The following MARK4 variants were observed in gnomAD, a reference collection of about 807,000 sequenced individuals.
The protein encoded by MARK4 is MAP/microtubule affinity-regulating kinase 4.
MARK4 carries 19 observed loss-of-function variants against 81.5 expected under a neutral mutation model. That is an observed-to-expected ratio of 0.23 (90% CI 0.16 to 0.34). The LOEUF (loss-of-function observed/expected upper bound fraction) is 0.34. Among genes scored for constraint, MARK4 ranks in the 10% least tolerant of loss-of-function variants. MARK4 has a pLI of 1.00. For missense variants in MARK4, 772 were observed against 1,058.8 expected (o/e 0.73, Z 3.76); for synonymous variants, 436 against 439.0 (o/e 0.99, Z 0.08).
At chr19:45,278,649 G>C (rs767658843) in intron 10 of MARK4, 34 bp downstream of exon 10, 1 of 1,528,424 alleles carries the variant, frequency 6.5e-7, no homozygotes, top group Non-Finnish European at 9.1e-7. Flanking sequence ...TGTCACCCAG[G>C]ATGGAGTGCA....
At chr19:45,268,632 C>G (rs1159289391) in intron 7 of MARK4, among the ~76,000 whole-genome samples, 1 of 151,660 alleles carries the variant, frequency 6.6e-6, no homozygotes, top group Non-Finnish European at 1.5e-5. Context: ...GTGGTCTCAG[C>G]TACTCAGGAG....
intron 8 of MARK4, among the ~76,000 whole-genome samples, chr19:45,277,589 A>G (rs1970614695): frequency 6.6e-6 from 1 of 151,652 alleles, no homozygotes; most frequent in Admixed American, 6.6e-5. Flanking sequence ...TGTAGAGATG[A>G]GGTCTCCCTG....
rs552148271 is a variant in MARK4, at chr19:45,280,302, A to C, written c.1007-72A>C. On this transcript the variant is annotated intron_variant, in intron 10 of 16. Coordinates refer to ENST00000262891, the MANE Select transcript of MARK4 (RefSeq NM_001199867.2). ...GGGTGACAGAGTGACACCCTGTCTC[A>C]AAAAAAAAGAGAAATGGATGGAAGT... The C allele has an allele frequency of 1.5e-5, 19 of 1,251,096 alleles. 1 individual carries two copies. The South Asian group carries it at 2.0e-4, about 13-fold the overall frequency. The allele number at this position is 1,251,096 out of a possible 1,614,324, so 77.5% of individuals were successfully genotyped here. A position where few individuals can be genotyped will look rare whatever the true frequency, so the allele number is the denominator to read the frequency against.
intron 12 of MARK4, 135 bp downstream of exon 12, chr19:45,280,869 A>C: frequency 7.9e-7 from 1 of 1,261,460 alleles, no homozygotes; most frequent in Non-Finnish European, 1.1e-6. Context: ...AATGTCTTAT[A>C]AAGACACAGG....
At chr19:45,289,933 C>CA (rs1464197271) in intron 13 of MARK4, among the ~76,000 whole-genome samples, 2 of 151,996 alleles carry the variant, frequency 1.3e-5, no homozygotes, top group African/African-American at 4.8e-5. Context: ...CCCTTCCCTA[C>CA]AAAAAATAGA....
chr19:45,264,658 C>T, intron 4 of MARK4, 26 bp from the exon 5 acceptor site: 1 of 1,612,048 alleles, frequency 6.2e-7, no homozygotes, highest in Non-Finnish European at 8.5e-7. Flanking sequence ...CTCCCTAATG[C>T]CCTACACTGT....
intron 4 of MARK4, among the ~76,000 whole-genome samples, chr19:45,264,221 G>C (rs1970419620): frequency 6.6e-6 from 1 of 152,070 alleles, no homozygotes; most frequent in Non-Finnish European, 1.5e-5. Context: ...GGAAAGGGTG[G>C]CTGGGCGCGG....
Position 45,287,529 on chromosome 19 carries a change from A to G in MARK4, c.1359A>G (p.Pro453=), listed in dbSNP as rs2123089933. The change falls in exon 13 of 17, where the codon CCA becomes CCG. Residue 453 remains proline (P), a synonymous_variant. Transcript: ENST00000262891. The stretch of plus-strand genomic sequence containing the variant: ...CGGAGCTGAAGGAGGAGCGGCTGCC[A>G]GGCCGGAAGGCGAGCTGCAGCACCG... ...GEAELKEERL[P]GRKASCSTAG... is the part of the protein sequence containing the mutation. 1 of 1,568,792 alleles carries G rather than the reference A, an allele frequency of 6.4e-7. No homozygotes were observed.
intron 10 of MARK4, among the ~76,000 whole-genome samples, chr19:45,279,802 C>G (rs571315739): frequency 1.2e-4 from 18 of 152,238 alleles, no homozygotes; most frequent in African/African-American, 4.3e-4. Context: ...GTAGCTTTTT[C>G]CCAGGCTGCT....
chr19:45,268,314 C>T (rs1036821332), intron 7 of MARK4, among the ~76,000 whole-genome samples: 10 of 151,628 alleles, frequency 6.6e-5, no homozygotes, highest in African/African-American at 9.7e-5. Flanking sequence ...TGGCTGGACG[C>T]GGTGGCTCTC....
At position 45,280,852 on chromosome 19, in the gene MARK4, A is replaced by C. The variant is rs368872816; in HGVS notation, c.1276+118A>C. On this transcript the variant is annotated intron_variant, in intron 12 of 16. Transcript: ENST00000262891. Reference sequence around the variant, plus strand: ...AAACCCACTGGAGCTAACCTCAGAGAGGGAGGAATGTCTTATAAAGACACA... The same window carrying C: ...AAACCCACTGGAGCTAACCTCAGAGCGGGAGGAATGTCTTATAAAGACACA... The C allele has an allele frequency of 5.7e-6, 8 of 1,393,840 alleles. No homozygotes were observed. In the South Asian group the frequency reaches 7.8e-5, roughly 14 times the overall value. 86.3% of individuals were successfully genotyped at this position (1,393,840 alleles called of 1,614,324 possible). A position where few individuals can be genotyped will look rare whatever the true frequency, so the allele number is the denominator to read the frequency against.
chr19:45,290,933 T>C lies in MARK4; in HGVS notation c.1494+3269T>C, dbSNP rs985582162. 2.0e-5 allele frequency among the ~76,000 whole-genome samples: 3 copies of C among 152,228 alleles called. No homozygotes were observed. In the East Asian group the frequency reaches 5.8e-4, roughly 29 times the overall value. On this transcript the variant is annotated intron_variant, in intron 13 of 16. Coordinates refer to ENST00000262891, the MANE Select transcript of MARK4 (RefSeq NM_001199867.2). ...AGGAGAGGGTGCACCTGAGGACAGC[T>C]CACTGGCTACCTAACAGCAGAAGGG...
chr19:45,288,809 C>A (rs1970782664), intron 13 of MARK4, among the ~76,000 whole-genome samples: 1 of 147,336 alleles, frequency 6.8e-6, no homozygotes, highest in Admixed American at 6.8e-5. Flanking sequence ...AAGATCATAC[C>A]ACTGCACTCC....
intron 1 of MARK4, among the ~76,000 whole-genome samples, chr19:45,252,541 A>C (rs1599774090): frequency 7.8e-6 from 1 of 127,556 alleles, no homozygotes; most frequent in African/African-American, 3.1e-5. Flanking sequence ...CCTTCCCCAC[A>C]AACCACCGTC....
chr19:45,285,778 G>A (rs1970735175), intron 12 of MARK4, among the ~76,000 whole-genome samples: 3 of 152,252 alleles, frequency 2.0e-5, no homozygotes, highest in South Asian at 4.1e-4. Flanking sequence ...TTGTGGTTCT[G>A]GGACTTCTGA....
intron 12 of MARK4, among the ~76,000 whole-genome samples, chr19:45,286,247 G>C (rs1230901494): frequency 4.6e-5 from 7 of 151,870 alleles, no homozygotes; most frequent in African/African-American, 1.7e-4. Flanking sequence ...GTAGAGACAG[G>C]GTTTTGCCAT....
chr19:45,253,994 T>G (rs1041088384), intron 1 of MARK4, among the ~76,000 whole-genome samples: 5 of 152,146 alleles, frequency 3.3e-5, no homozygotes, highest in Non-Finnish European at 5.9e-5. Context: ...TTTTCTCTCC[T>G]CCAACTCTTG....
chr19:45,278,712 T>C, intron 10 of MARK4, 97 bp downstream of exon 10: 1 of 940,816 alleles, frequency 1.1e-6, no homozygotes, highest in Non-Finnish European at 1.7e-6. Flanking sequence ...CAAGAGATTC[T>C]TGTGCCTCAG....
chr19:45,285,447 C>G (rs906944141), intron 12 of MARK4, among the ~76,000 whole-genome samples: 31 of 152,070 alleles, frequency 2.0e-4, no homozygotes, highest in African/African-American at 7.0e-4. Context: ...GACCTCCCCT[C>G]CACACTGAAG....
Sources: allele counts gnomAD v4.1 joint callset (sites outside exome capture counted in the v4.1 genomes callset), GRCh38; gene constraint gnomAD v4.1.1; transcripts MANE v1.5; gene names NCBI Gene and HGNC (gene_info 2026-07-23, HGNC 2026-07-21).